CFAP69: variants seen among roughly 807,000 people sequenced by gnomAD.
CFAP69 encodes cilia and flagella associated protein 69.
CFAP69 carries 92 observed loss-of-function variants against 123.0 expected under a neutral mutation model. The ratio of observed to expected loss-of-function variants is 0.75; its 90% confidence interval spans 0.63 to 0.89. The LOEUF (loss-of-function observed/expected upper bound fraction) is 0.89, where lower values mean the gene tolerates loss of function less well. CFAP69 is among the 40% of genes least tolerant of loss of function. The probability of loss-of-function intolerance (pLI) is 0.00; values close to 1 mark genes in which losing one functional copy is unlikely to be tolerated. For missense variants in CFAP69, 1,067 were observed against 1,096.9 expected, an observed-to-expected ratio of 0.97 and a Z score of 0.39; for synonymous variants, 380 against 364.3, an observed-to-expected ratio of 1.04 and a Z score of -0.49.
chr7:90,277,289 A>G lies in CFAP69; in HGVS notation c.1110A>G (p.Leu370=), dbSNP rs574905852. 6 of 1,585,762 alleles carry G rather than the reference A, an allele frequency of 3.8e-6. No homozygotes were observed. Among genetic ancestry groups the G allele is most frequent in the Non-Finnish European group, 5.2e-6 (6 of 1,164,000 alleles). Residue 370 remains leucine, a synonymous_variant, in exon 11 of 23, where the codon CTA becomes CTG. Transcript: ENST00000389297. ...AAGATTTTGAGTTGAAGAAATTACT[A>G]TTCAACGTAATTGTGATCTTATGTA... ...SYEDFELKKL[L]FNVIVILCKD...
At chr7:90,312,536 C>A (rs1050243058), downstream of CFAP69, 1 of 152,154 alleles carries the variant, frequency 6.6e-6, no homozygotes, top group Admixed American at 6.6e-5. Flanking sequence ...ATTTAATAGA[C>A]AAATAAGTGT....
chr7:90,289,586 C>G (rs1254106103), intron 15 of CFAP69, among the ~76,000 whole-genome samples: 1 of 152,114 alleles, frequency 6.6e-6, no homozygotes, highest in East Asian at 1.9e-4. Flanking sequence ...CATTTTCACT[C>G]TCTTCACTCT....
Position 90,300,041 on chromosome 7 carries a change from A to G in CFAP69, c.2032A>G (p.Lys678Glu), listed in dbSNP as rs751894175. ...EEKELGVKRDKNGKIIDTKKP... is the reference protein window; with the variant it reads ...EEKELGVKRDENGKIIDTKKP... ...AAAAGAACTAGGAGTAAAACGTGAT[A>G]AAAATGGGAAGATCATTGGTGAGTA... The change falls in exon 17 of 23, where the codon AAA (lysine) becomes GAA (glutamate). Residue 678 changes from lysine (K) to glutamate (E), a missense_variant. Coordinates refer to ENST00000389297, the MANE Select transcript of CFAP69 (RefSeq NM_001039706.3). The G allele has an allele frequency of 1.3e-6, 2 of 1,591,674 alleles. No homozygotes were observed. Among genetic ancestry groups the G allele is most frequent in the Admixed American group, 3.6e-5 (2 of 56,212 alleles).
intron 15 of CFAP69, among the ~76,000 whole-genome samples, chr7:90,293,655 A>G (rs1424548514): frequency 1.3e-5 from 2 of 152,216 alleles, no homozygotes; most frequent in African/African-American, 4.8e-5. Context: ...CACCTTACAT[A>G]TAAAACTGTT....
intron 11 of CFAP69, 111 bp from the exon 12 acceptor site, chr7:90,279,566 A>T (rs1272422290): frequency 4.9e-6 from 3 of 614,548 alleles, no homozygotes; most frequent in Non-Finnish European, 7.9e-6. Flanking sequence ...TTATAAAGGA[A>T]TTATTTTGAA....
Position 90,307,802 on chromosome 7 carries a change from A to C in CFAP69, c.2498A>C (p.Asn833Thr). Residue 833 changes from asparagine to threonine, a missense_variant, in exon 21 of 23, where the codon AAT (asparagine) becomes ACT (threonine). Coordinates refer to ENST00000389297, the MANE Select transcript of CFAP69 (RefSeq NM_001039706.3). Reference protein sequence around the residue: ...QATHKQRELANKSWEDFLART... With the variant: ...QATHKQRELATKSWEDFLART... ...ACGCACAAGCAAAGAGAGCTGGCTA[A>C]TAAATCATGGGAAGATTTCTTGGCT... 1 of 1,612,334 alleles carries C rather than the reference A, an allele frequency of 6.2e-7. No homozygotes were observed. The highest frequency in any genetic ancestry group is 1.1e-5 in the South Asian group (1 of 90,894).
In CFAP69 at chr7:90,288,316, A is replaced by T; in HGVS notation, c.1739A>T (p.Tyr580Phe). 1 of 1,611,768 alleles carries T rather than the reference A, an allele frequency of 6.2e-7. No individual in the cohort carries two copies. Among genetic ancestry groups the T allele is most frequent in the Non-Finnish European group, 8.5e-7 (1 of 1,178,386 alleles). The change falls in exon 15 of 23, where the codon TAT becomes TTT. Residue 580 changes from tyrosine to phenylalanine, a missense_variant. Physicochemically the swap from Tyr to Phe is conservative, Grantham distance 22. Transcript: ENST00000389297. ...DPRKLQSGLGYNVLLFSTLDS... is the reference protein window; with the variant it reads ...DPRKLQSGLGFNVLLFSTLDS... The stretch of plus-strand genomic sequence containing the variant: ...AGGAAGTTACAGAGTGGCTTAGGCT[A>T]TAATGTACTTCTTTTTAGTACATTG...
At chr7:90,303,711 CT>C in intron 17 of CFAP69, 1 of 1,023,770 alleles carries the variant, frequency 9.8e-7, no homozygotes, top group Non-Finnish European at 1.2e-6. Context: ...AGAAGTTTTA[CT>C]TTTAAAAAGT....
intron 13 of CFAP69, among the ~76,000 whole-genome samples, chr7:90,283,661 A>G (rs957531862): frequency 2.0e-5 from 3 of 152,174 alleles, no homozygotes; most frequent in African/African-American, 7.2e-5. Context: ...CAGAACCCCT[A>G]AACAAAAGCT....
At chr7:90,304,843 G>T in intron 19 of CFAP69, 23 bp downstream of exon 19, 1 of 1,349,044 alleles carries the variant, frequency 7.4e-7, no homozygotes. Context: ...TTAATAACCT[G>T]ATTATTAAAA....
chr7:90,259,234 A>C (rs1024272959), intron 3 of CFAP69, among the ~76,000 whole-genome samples: 2 of 151,932 alleles, frequency 1.3e-5, no homozygotes, highest in Admixed American at 6.6e-5. Context: ...TCAACATACC[A>C]AGACCCTGCC....
chr7:90,299,768 AACTT>A, intron 16 of CFAP69, 95 bp from the exon 17 acceptor site: 1 of 991,250 alleles, frequency 1.0e-6, no homozygotes, highest in Non-Finnish European at 1.4e-6. Flanking sequence ...GTTTAGAAGA[AACTT>A]AATGATAATA....
rs1793207782 is a variant in CFAP69, at chr7:90,304,113, A to G, written c.2188+7A>G. The G allele has an allele frequency of 3.9e-6, 6 of 1,544,770 alleles. No homozygotes were observed. Among genetic ancestry groups the G allele is most frequent in the Non-Finnish European group, 4.4e-6 (5 of 1,143,726 alleles). Reference sequence around the variant, plus strand: ...GCTATATTGGGCAAACTAGGTAAGAAGTTCTCTTCAAATTTGCAAGAGTCT... The same window carrying G: ...GCTATATTGGGCAAACTAGGTAAGAGGTTCTCTTCAAATTTGCAAGAGTCT... On this transcript the variant is annotated splice_region_variant and intron_variant, in intron 18 of 22. Coordinates refer to ENST00000389297, the MANE Select transcript of CFAP69 (RefSeq NM_001039706.3).
chr7:90,290,772 TTTCTTTTCTTTTCTTTTCTTTTCTTTTC>T (rs1791033775), intron 15 of CFAP69, among the ~76,000 whole-genome samples: 1 of 115,254 alleles, frequency 8.7e-6, no homozygotes, highest in Non-Finnish European at 1.7e-5. Flanking sequence ...TTTCTTTTCT[TTTCTTTTCTTTTCTTTTCTTTTCTTTTC>T]TTTTCTTTTC....
intron 9 of CFAP69, 117 bp from the exon 10 acceptor site, chr7:90,276,956 A>T (rs1788700610): frequency 1.4e-6 from 1 of 706,062 alleles, no homozygotes; most frequent in Non-Finnish European, 2.2e-6. Flanking sequence ...TTATGAATTC[A>T]AATGAATGAC....
At chr7:90,250,249 C>T (rs55929112) in intron 1 of CFAP69, among the ~76,000 whole-genome samples, 2,078 of 125,342 alleles carry the variant, frequency 0.017, 67 homozygotes, top group African/African-American at 0.057. Context: ...CTTGGTTGTC[C>T]ATTGAGGAGT....
intron 4 of CFAP69, among the ~76,000 whole-genome samples, chr7:90,265,065 T>C (rs1798958782): frequency 6.6e-6 from 1 of 152,172 alleles, no homozygotes; most frequent in South Asian, 2.1e-4. Flanking sequence ...GCGCTGGGAT[T>C]ACAGGTGTGA....
At chr7:90,276,665 G>A (rs188560272) in intron 9 of CFAP69, among the ~76,000 whole-genome samples, 2 of 152,288 alleles carry the variant, frequency 1.3e-5, no homozygotes, top group Admixed American at 1.3e-4. Context: ...GGTAGAAGTG[G>A]AAGTGTTTAA....
chr7:90,311,898 C>T (rs571005076), downstream of CFAP69, among the ~76,000 whole-genome samples: 4 of 152,276 alleles, frequency 2.6e-5, no homozygotes, highest in African/African-American at 9.6e-5. Context: ...TATTAGAAGG[C>T]ATAATTTGTT....
Sources: gnomAD v4.1 joint callset for allele counts (sites outside exome capture counted in the v4.1 genomes callset) on GRCh38, gnomAD v4.1.1 for gene constraint, MANE v1.5 for transcripts, NCBI Gene and HGNC (gene_info 2026-07-23, HGNC 2026-07-21) for gene names.